The following KCNC2 variants were observed in gnomAD, a reference collection of about 807,000 sequenced individuals.
KCNC2 encodes potassium voltage-gated channel subfamily C member 2, also known as voltage-gated potassium channel KCNC2.
A neutral mutation model predicts 44.5 loss-of-function variants in KCNC2; 21 were observed. That is an observed-to-expected ratio of 0.47 (90% CI 0.33 to 0.68). The LOEUF is 0.68. Ranked by LOEUF, KCNC2 falls within the 30% of genes least tolerant of loss-of-function variation. KCNC2 has a pLI of 0.01. For synonymous variants in KCNC2, 391 were observed against 339.1 expected (o/e 1.15, Z -1.68); for missense variants, 589 against 826.2 (o/e 0.71, Z 3.52).
Position 75,072,993 on chromosome 12 carries a change from T to C in KCNC2, c.688-21676A>G, listed in dbSNP as rs529882023. Among the ~76,000 whole-genome samples the C allele has an allele frequency of 5.3e-5, 8 of 151,884 alleles. No homozygotes were observed. In the East Asian group the frequency reaches 1.4e-3, roughly 26 times the overall value. Reference sequence around the variant, plus strand: ...ACATCCCTTATTATGGAAATGTCTATTTATGTCCAAAAAAAACCCAAATCT... The same window carrying C: ...ACATCCCTTATTATGGAAATGTCTACTTATGTCCAAAAAAAACCCAAATCT... On this transcript the variant is annotated intron_variant, in intron 2 of 4. Transcript: ENST00000549446.
At chr12:75,122,080 G>T (rs983787528) in intron 2 of KCNC2, among the ~76,000 whole-genome samples, 2 of 152,124 alleles carry the variant, frequency 1.3e-5, no homozygotes, top group African/African-American at 4.8e-5. Context: ...GGAAAGAGAA[G>T]GACCATCTGG....
At chr12:75,187,563 G>A (rs575181206) in intron 2 of KCNC2, among the ~76,000 whole-genome samples, 5 of 152,192 alleles carry the variant, frequency 3.3e-5, no homozygotes, top group Non-Finnish European at 7.3e-5. Context: ...CTGCTAGGGA[G>A]GAGAATTATT....
intron 2 of KCNC2, among the ~76,000 whole-genome samples, chr12:75,089,844 T>C (rs908028795): frequency 9.2e-5 from 14 of 151,840 alleles, no homozygotes; most frequent in Non-Finnish European, 2.1e-4. Context: ...ATGAGTCACA[T>C]TTCAAGCGCT....
intron 2 of KCNC2, among the ~76,000 whole-genome samples, chr12:75,102,841 G>A (rs924007642): frequency 1.3e-4 from 20 of 151,860 alleles, no homozygotes; most frequent in African/African-American, 4.8e-4. Flanking sequence ...TAATAATAGA[G>A]CTTTTAACAG....
intron 2 of KCNC2, among the ~76,000 whole-genome samples, chr12:75,200,805 G>A (rs965354593): frequency 3.3e-5 from 5 of 151,524 alleles, no homozygotes; most frequent in Admixed American, 1.3e-4. Context: ...TATTTTCTAC[G>A]TTTATTCTAA....
At position 75,051,230 on chromosome 12, in the gene KCNC2, T is replaced by A; in HGVS notation, c.775A>T (p.Asn259Tyr). The change falls in exon 3 of 5, where the codon AAC becomes TAC. Residue 259 changes from asparagine to tyrosine, a missense_variant. Around this residue, in one of 7 missense-constraint regions of KCNC2, gnomAD observed 40 missense variants for 40.6 expected, o/e 0.99. Coordinates refer to ENST00000549446, the MANE Select transcript of KCNC2 (RefSeq NM_139137.4). ...ETHEAFNIVK[N>Y]KTEPVINGTS... ...CCATTGATGACTGGTTCTGTCTTGT[T>A]TTTAACAATATTGAAAGCTTCATGT... 6.2e-7 allele frequency: 1 copy of A among 1,611,692 alleles called. No individual in the cohort carries two copies. Among genetic ancestry groups the A allele is most frequent in the Non-Finnish European group, 8.5e-7 (1 of 1,178,052 alleles).
chr12:75,197,638 T>C (rs2030889013), intron 2 of KCNC2, among the ~76,000 whole-genome samples: 2 of 151,992 alleles, frequency 1.3e-5, no homozygotes, highest in Non-Finnish European at 1.5e-5. Context: ...TGGCCAACAG[T>C]TGAAATTCAA....
At chr12:75,189,443 T>C (rs1321504329) in intron 2 of KCNC2, among the ~76,000 whole-genome samples, 1 of 152,164 alleles carries the variant, frequency 6.6e-6, no homozygotes, top group Non-Finnish European at 1.5e-5. Context: ...ATTTGTAAGT[T>C]GAAGCAGTAG....
chr12:75,067,666 T>G (rs1882970148), intron 2 of KCNC2, among the ~76,000 whole-genome samples: 1 of 152,176 alleles, frequency 6.6e-6, no homozygotes. Context: ...AAAATGGGTT[T>G]TACCCTTTAA....
intron 2 of KCNC2, among the ~76,000 whole-genome samples, chr12:75,090,500 G>T (rs796667708): frequency 6.6e-6 from 1 of 151,552 alleles, no homozygotes; most frequent in Admixed American, 6.6e-5. Context: ...ACTACAAAAT[G>T]AAGTTCAAAC....
intron 2 of KCNC2, among the ~76,000 whole-genome samples, chr12:75,128,404 C>T (rs1592929455): frequency 1.3e-5 from 2 of 152,084 alleles, no homozygotes; most frequent in East Asian, 3.9e-4. Flanking sequence ...GCAAATACTC[C>T]TATTAAATAT....
chr12:75,119,548 G>A (rs538268680), intron 2 of KCNC2, among the ~76,000 whole-genome samples: 8 of 152,194 alleles, frequency 5.3e-5, no homozygotes, highest in Non-Finnish European at 1.2e-4. Context: ...CATAACGGGT[G>A]AAGTGGGCCA....
chr12:75,163,957 G>T (rs879409854), intron 2 of KCNC2, among the ~76,000 whole-genome samples: 1 of 151,582 alleles, frequency 6.6e-6, no homozygotes, highest in Non-Finnish European at 1.5e-5. Flanking sequence ...AAACTACCTT[G>T]GGGAAAATCC....
At chr12:75,099,723 A>G (rs1348827059) in intron 2 of KCNC2, among the ~76,000 whole-genome samples, 1 of 152,180 alleles carries the variant, frequency 6.6e-6, no homozygotes, top group Admixed American at 6.6e-5. Context: ...TCAAGTCTCT[A>G]TTGAATAACT....
At chr12:75,075,632 T>C (rs571905075) in intron 2 of KCNC2, among the ~76,000 whole-genome samples, 151 of 152,044 alleles carry the variant, frequency 9.9e-4, no homozygotes, top group Non-Finnish European at 1.7e-3. Flanking sequence ...GACATGGTCA[T>C]ATTATTTTTT....
intron 2 of KCNC2, among the ~76,000 whole-genome samples, chr12:75,187,170 T>C (rs1893010916): frequency 6.6e-6 from 1 of 152,196 alleles, no homozygotes; most frequent in Non-Finnish European, 1.5e-5. Context: ...AAATGAAACT[T>C]GTAAGAGGCT....
chr12:75,178,068 T>C (rs2045523), intron 2 of KCNC2, among the ~76,000 whole-genome samples: 4,550 of 152,094 alleles, frequency 0.03, 227 homozygotes, highest in African/African-American at 0.1. Context: ...CCAGTGAGAA[T>C]ATTGGTTAAT....
chr12:75,075,075 A>G (rs1322725494), intron 2 of KCNC2, among the ~76,000 whole-genome samples: 1 of 152,174 alleles, frequency 6.6e-6, no homozygotes, highest in East Asian at 1.9e-4. Context: ...GTCTAGAAAA[A>G]TTAGACAAAA....
intron 2 of KCNC2, among the ~76,000 whole-genome samples, chr12:75,075,542 A>G (rs569437552): frequency 2.0e-5 from 3 of 150,930 alleles, no homozygotes; most frequent in Non-Finnish European, 3.0e-5. Flanking sequence ...CTGATGATTG[A>G]AAACGAATTA....
Sources: gnomAD v4.1 joint callset for allele counts (sites outside exome capture counted in the v4.1 genomes callset) on GRCh38, gnomAD v4.1.1 for gene constraint, gnomAD v4.1.1 regional missense constraint, MANE v1.5 for transcripts, NCBI Gene and HGNC (gene_info 2026-07-23, HGNC 2026-07-21) for gene names.